COL5A2: variants seen among roughly 807,000 people sequenced by gnomAD.
COL5A2 encodes collagen type V alpha 2 chain.
A neutral mutation model predicts 208.2 loss-of-function variants in COL5A2; 23 were observed. That is an observed-to-expected ratio of 0.11 (90% CI 0.08 to 0.16). The LOEUF (loss-of-function observed/expected upper bound fraction) is 0.16. Among genes scored for constraint, COL5A2 ranks in the 10% least tolerant of loss-of-function variants. The probability of loss-of-function intolerance (pLI) is 1.00; values close to 1 mark genes in which losing one functional copy is unlikely to be tolerated. For missense variants in COL5A2, 1,590 were observed against 1,956.4 expected (o/e 0.81, Z 3.53); for synonymous variants, 625 against 628.5 (o/e 0.99, Z 0.08).
the COL5A2 span, among the ~76,000 whole-genome samples, chr2:189,369,682 T>C: frequency 6.6e-6 from 1 of 152,212 alleles, no homozygotes; most frequent in Non-Finnish European, 1.5e-5. Flanking sequence ...ATAATGTGAC[T>C]AAATAAACTC....
At chr2:189,260,659 G>A in the COL5A2 span, among the ~76,000 whole-genome samples, 1 of 152,216 alleles carries the variant, frequency 6.6e-6, no homozygotes, top group Non-Finnish European at 1.5e-5. Context: ...AGCATGAATA[G>A]TAAAGGTCAG....
At chr2:189,235,110 A>G in the COL5A2 span, among the ~76,000 whole-genome samples, 1 of 151,732 alleles carries the variant, frequency 6.6e-6, no homozygotes, top group Non-Finnish European at 1.5e-5. Context: ...CATGTCACAT[A>G]TATCAATTTG....
At chr2:189,340,306 G>C in the COL5A2 span, among the ~76,000 whole-genome samples, 1 of 152,200 alleles carries the variant, frequency 6.6e-6, no homozygotes, top group Non-Finnish European at 1.5e-5. Flanking sequence ...AAGGGAATTA[G>C]AGTCAAGACT....
chr2:189,296,538 T>C, the COL5A2 span, among the ~76,000 whole-genome samples: 5,614 of 152,316 alleles, frequency 0.037, 118 homozygotes, highest in Admixed American at 0.05. Flanking sequence ...TTATAAATGG[T>C]AGAGGTCTTT....
At chr2:189,134,039 TA>T (rs2105759542) in intron 1 of COL5A2, among the ~76,000 whole-genome samples, 1 of 152,182 alleles carries the variant, frequency 6.6e-6, no homozygotes, top group African/African-American at 2.4e-5. Flanking sequence ...AAAAAAATAC[TA>T]AAAATGATAT....
intron 1 of COL5A2, among the ~76,000 whole-genome samples, chr2:189,217,606 G>T (rs544125078): frequency 1.3e-5 from 2 of 152,202 alleles, no homozygotes; most frequent in African/African-American, 4.8e-5. Flanking sequence ...CCATTTTACT[G>T]ACCGAAGCAG....
At chr2:189,329,327 G>A in the COL5A2 span, among the ~76,000 whole-genome samples, 1 of 152,164 alleles carries the variant, frequency 6.6e-6, no homozygotes. Flanking sequence ...ACCAAGAGGT[G>A]GGAGAGATAG....
intron 50 of COL5A2, among the ~76,000 whole-genome samples, chr2:189,040,310 T>C (rs559348707): frequency 2.0e-3 from 292 of 148,284 alleles, no homozygotes; most frequent in Middle Eastern, 3.6e-3. Flanking sequence ...GCCTTTGAAT[T>C]GACATAAATA....
At chr2:189,352,463 G>C in the COL5A2 span, among the ~76,000 whole-genome samples, 3 of 151,652 alleles carry the variant, frequency 2.0e-5, no homozygotes, top group African/African-American at 4.8e-5. Context: ...TCCAGCATCT[G>C]TTGTTTCCTT....
chr2:189,332,348 A>G, the COL5A2 span, among the ~76,000 whole-genome samples: 1 of 152,210 alleles, frequency 6.6e-6, no homozygotes, highest in Non-Finnish European at 1.5e-5. Flanking sequence ...CATTATTTTC[A>G]GGAATATATG....
intron 23 of COL5A2, among the ~76,000 whole-genome samples, chr2:189,065,490 C>T (rs1686128086): frequency 6.6e-6 from 1 of 151,802 alleles, no homozygotes; most frequent in South Asian, 2.1e-4. Flanking sequence ...GATGGTGCCA[C>T]TGCACTCCAG....
chr2:189,242,352 T>C, the COL5A2 span, among the ~76,000 whole-genome samples: 1 of 152,236 alleles, frequency 6.6e-6, no homozygotes, highest in African/African-American at 2.4e-5. Flanking sequence ...TGTTATTTTA[T>C]AGATAAGGAT....
chr2:189,153,025 G>T (rs1009660146), intron 1 of COL5A2, among the ~76,000 whole-genome samples: 2 of 152,072 alleles, frequency 1.3e-5, no homozygotes, highest in Non-Finnish European at 2.9e-5. Flanking sequence ...TTTATTTTTT[G>T]TATTTTCTCA....
chr2:189,394,514 T>C, the COL5A2 span, among the ~76,000 whole-genome samples: 9 of 152,172 alleles, frequency 5.9e-5, no homozygotes, highest in Non-Finnish European at 1.2e-4. Flanking sequence ...CTCTAACATA[T>C]TCTCTGTCTG....
At chr2:189,293,855 G>A in the COL5A2 span, among the ~76,000 whole-genome samples, 1 of 152,124 alleles carries the variant, frequency 6.6e-6, no homozygotes, top group South Asian at 2.1e-4. Flanking sequence ...GGAGGCCAAG[G>A]CGGGCACATC....
At chr2:189,208,543 C>T (rs1243303846) in intron 1 of COL5A2, among the ~76,000 whole-genome samples, 1 of 152,146 alleles carries the variant, frequency 6.6e-6, no homozygotes, top group African/African-American at 2.4e-5. Context: ...GAGCAAAGGT[C>T]ATGGTGCAGA....
the COL5A2 span, among the ~76,000 whole-genome samples, chr2:189,376,416 A>C: frequency 6.6e-6 from 1 of 152,190 alleles, no homozygotes; most frequent in Non-Finnish European, 1.5e-5. Context: ...TGAAAAAAAA[A>C]GATAAAAATA....
intron 1 of COL5A2, among the ~76,000 whole-genome samples, chr2:189,112,826 G>T (rs1230836038): frequency 6.6e-6 from 1 of 152,182 alleles, no homozygotes; most frequent in Non-Finnish European, 1.5e-5. Context: ...AATAAACAGT[G>T]TGACTTTTAG....
At chr2:189,428,320 T>C in the COL5A2 span, among the ~76,000 whole-genome samples, 1 of 152,148 alleles carries the variant, frequency 6.6e-6, no homozygotes, top group Non-Finnish European at 1.5e-5. Context: ...TCATGATATC[T>C]GGTTGTTTAA....
Sources: gnomAD v4.1 joint callset for allele counts (sites outside exome capture counted in the v4.1 genomes callset) on GRCh38, gnomAD v4.1.1 for gene constraint, MANE v1.5 for transcripts, NCBI Gene and HGNC (gene_info 2026-07-23, HGNC 2026-07-21) for gene names.